GALNT13: variants seen among roughly 807,000 people sequenced by gnomAD.
The protein encoded by GALNT13 is polypeptide N-acetylgalactosaminyltransferase 13, also known as UDP-GalNAc:polypeptide N-acetylgalactosaminyltransferase 13.
GALNT13 carries 28 observed loss-of-function variants against 64.2 expected under a neutral mutation model. That is an observed-to-expected ratio of 0.44 (90% confidence interval 0.32 to 0.60). The LOEUF (loss-of-function observed/expected upper bound fraction) is 0.60. Ranked by LOEUF, GALNT13 falls within the 20% of genes least tolerant of loss-of-function variation. The probability of loss-of-function intolerance (pLI) is 0.05; values close to 1 mark genes in which losing one functional copy is unlikely to be tolerated. For missense variants in GALNT13, 577 were observed against 669.8 expected (o/e 0.86, Z 1.53); for synonymous variants, 214 against 224.6 (o/e 0.95, Z 0.42).
chr2:153,777,634 T>G, the GALNT13 span, among the ~76,000 whole-genome samples: 2 of 152,202 alleles, frequency 1.3e-5, no homozygotes, highest in Non-Finnish European at 2.9e-5. Flanking sequence ...AAAGCTCCTT[T>G]GTACCCCTCG....
the GALNT13 span, among the ~76,000 whole-genome samples, chr2:153,646,120 T>C: frequency 6.6e-6 from 1 of 152,080 alleles, no homozygotes; most frequent in Admixed American, 6.6e-5. Context: ...AAGATACAAC[T>C]TAACTCAGGA....
At chr2:153,815,363 G>T in the GALNT13 span, among the ~76,000 whole-genome samples, 2 of 152,068 alleles carry the variant, frequency 1.3e-5, no homozygotes, top group African/African-American at 4.8e-5. Flanking sequence ...CCACATTGTT[G>T]CATATAAACC....
At chr2:154,178,175 G>T (rs902696883) in intron 4 of GALNT13, among the ~76,000 whole-genome samples, 1 of 152,094 alleles carries the variant, frequency 6.6e-6, no homozygotes, top group African/African-American at 2.4e-5. Flanking sequence ...GCTAAGATAA[G>T]GTAGAAACTT....
At chr2:153,670,319 T>C in the GALNT13 span, among the ~76,000 whole-genome samples, 1 of 151,992 alleles carries the variant, frequency 6.6e-6, no homozygotes, top group African/African-American at 2.4e-5. Context: ...ATACAGGTGG[T>C]TGCCTCTCTG....
the GALNT13 span, among the ~76,000 whole-genome samples, chr2:153,604,803 A>G: frequency 6.6e-6 from 1 of 152,082 alleles, no homozygotes; most frequent in African/African-American, 2.4e-5. Context: ...TTCTATTTAC[A>G]TAAAGGAATA....
At chr2:153,251,268 A>G in the GALNT13 span, among the ~76,000 whole-genome samples, 1 of 152,328 alleles carries the variant, frequency 6.6e-6, no homozygotes, top group South Asian at 2.1e-4. Flanking sequence ...GTGTATGTTA[A>G]CAGTAATAAT....
At chr2:153,744,348 T>C in the GALNT13 span, among the ~76,000 whole-genome samples, 2 of 152,182 alleles carry the variant, frequency 1.3e-5, no homozygotes, top group Non-Finnish European at 2.9e-5. Context: ...TGGTATTGTC[T>C]GTCTTTTGGA....
At chr2:153,632,864 T>C in the GALNT13 span, among the ~76,000 whole-genome samples, 1 of 152,148 alleles carries the variant, frequency 6.6e-6, no homozygotes, top group South Asian at 2.1e-4. Flanking sequence ...GCAATTCTCC[T>C]GTCTCAGCTT....
chr2:153,150,507 G>C, the GALNT13 span, among the ~76,000 whole-genome samples: 1 of 152,056 alleles, frequency 6.6e-6, no homozygotes, highest in African/African-American at 2.4e-5. Flanking sequence ...TTTGGCTTTT[G>C]TTGCCATTGC....
intron 7 of GALNT13, among the ~76,000 whole-genome samples, chr2:154,252,806 A>G (rs1230054314): frequency 3.3e-5 from 5 of 152,060 alleles, no homozygotes; most frequent in Non-Finnish European, 5.9e-5. Flanking sequence ...GAGAGGAGAG[A>G]AGAGGAGAGG....
chr2:154,187,369 AACACAC>A (rs10578569), intron 4 of GALNT13, among the ~76,000 whole-genome samples: 57,936 of 140,114 alleles, frequency 0.41, 12,356 homozygotes, highest in Admixed American at 0.52. Context: ...GATAGGAGAA[AACACAC>A]ACACACACAC....
chr2:153,404,126 C>T, the GALNT13 span, among the ~76,000 whole-genome samples: 7 of 152,152 alleles, frequency 4.6e-5, 2 homozygotes, highest in South Asian at 1.5e-3. Context: ...TTGTATCAGT[C>T]CAGGAGTGGG....
chr2:153,099,045 A>G, the GALNT13 span, among the ~76,000 whole-genome samples: 49 of 152,300 alleles, frequency 3.2e-4, no homozygotes, highest in African/African-American at 1.2e-3. Context: ...CGCTTGAGGC[A>G]GAGGTTGCAG....
chr2:153,909,675 A>G (rs145788866), intron 2 of GALNT13, among the ~76,000 whole-genome samples: 13 of 152,246 alleles, frequency 8.5e-5, no homozygotes, highest in African/African-American at 3.1e-4. Context: ...TTCAGCTTCT[A>G]TTGCAATAAA....
At chr2:154,035,431 C>T (rs1442829761) in intron 3 of GALNT13, among the ~76,000 whole-genome samples, 1 of 151,962 alleles carries the variant, frequency 6.6e-6, no homozygotes, top group Non-Finnish European at 1.5e-5. Flanking sequence ...CCTCCACACT[C>T]GTTAATGTCA....
the GALNT13 span, among the ~76,000 whole-genome samples, chr2:153,079,288 T>G: frequency 3.9e-4 from 60 of 152,140 alleles, no homozygotes; most frequent in East Asian, 0.01. Flanking sequence ...GTTAGAAAAA[T>G]TTTTAAAGTT....
At chr2:153,231,228 T>G in the GALNT13 span, among the ~76,000 whole-genome samples, 3 of 152,192 alleles carry the variant, frequency 2.0e-5, no homozygotes, top group East Asian at 5.8e-4. Flanking sequence ...CCAAACCAAT[T>G]GTCTCGAGTT....
the GALNT13 span, among the ~76,000 whole-genome samples, chr2:153,213,092 G>T: frequency 6.6e-6 from 1 of 152,308 alleles, no homozygotes; most frequent in African/African-American, 2.4e-5. Context: ...GAACTGTGAA[G>T]GTCTTTGATT....
At chr2:154,104,818 G>C (rs2105472395) in intron 3 of GALNT13, among the ~76,000 whole-genome samples, 1 of 152,284 alleles carries the variant, frequency 6.6e-6, no homozygotes, top group East Asian at 1.9e-4. Context: ...AGATTCCCTG[G>C]TCAAAGCAGT....
Sources: gnomAD v4.1 joint callset for allele counts (sites outside exome capture counted in the v4.1 genomes callset) on GRCh38, gnomAD v4.1.1 for gene constraint, MANE v1.5 for transcripts, NCBI Gene and HGNC (gene_info 2026-07-23, HGNC 2026-07-21) for gene names.